The following CHST11 variants were observed in gnomAD, a reference collection of about 807,000 sequenced individuals.
CHST11 encodes carbohydrate sulfotransferase 11, also known as C4S-1.
In CHST11, 9 loss-of-function variants were observed where a neutral mutation model predicts 30.4. The observed-to-expected ratio is 0.30, with a 90% CI of 0.18 to 0.52. The LOEUF (loss-of-function observed/expected upper bound fraction) is 0.52, where lower values mean the gene tolerates loss of function less well. CHST11 is among the 20% of genes least tolerant of loss of function. The pLI is 0.97. For synonymous variants in CHST11, 152 were observed against 187.8 expected (o/e 0.81, Z 1.56); for missense variants, 348 against 460.6 (o/e 0.76, Z 2.24).
In CHST11 at chr12:104,746,112, G is replaced by A. The variant is rs12099519; in HGVS notation, c.205-10837G>A. 8.1e-3 allele frequency among the ~76,000 whole-genome samples: 1,227 copies of A among 152,174 alleles called. 14 individuals carry two copies. Among genetic ancestry groups the A allele is most frequent in the African/African-American group, 0.028 (1,153 of 41,492 alleles). On this transcript the variant is annotated intron_variant, in intron 2 of 2. Transcript: ENST00000303694. The stretch of plus-strand genomic sequence containing the variant: ...TTCTCTTGAGAAATTGAAACATCTC[G>A]AAAGACCAGGTCCTCAATTCCCTAA...
At chr12:104,625,142 A>G (rs2039200154) in intron 2 of CHST11, among the ~76,000 whole-genome samples, 1 of 152,222 alleles carries the variant, frequency 6.6e-6, no homozygotes, top group Non-Finnish European at 1.5e-5. Flanking sequence ...CTTGTGACTA[A>G]GCAGCTATGC....
intron 1 of CHST11, among the ~76,000 whole-genome samples, chr12:104,509,649 C>T (rs539082796): frequency 5.3e-5 from 8 of 152,112 alleles, no homozygotes; most frequent in South Asian, 4.1e-4. Flanking sequence ...AAAAGGCCCC[C>T]GCCCCCACAA....
intron 1 of CHST11, among the ~76,000 whole-genome samples, chr12:104,542,626 G>T (rs1344755935): frequency 6.6e-6 from 1 of 152,228 alleles, no homozygotes; most frequent in Non-Finnish European, 1.5e-5. Context: ...AGGACCTGGA[G>T]CCCCAGTGTC....
chr12:104,557,782 G>C (rs1158503736), intron 1 of CHST11, among the ~76,000 whole-genome samples: 1 of 152,162 alleles, frequency 6.6e-6, no homozygotes, highest in African/African-American at 2.4e-5. Context: ...ACTGACCGCG[G>C]ATTCTTCTCC....
At chr12:104,670,469 A>AC (rs34340804) in intron 2 of CHST11, among the ~76,000 whole-genome samples, 3 of 148,648 alleles carry the variant, frequency 2.0e-5, no homozygotes, top group Non-Finnish European at 3.0e-5. Context: ...ATATGTTCAG[A>AC]CCCACACACA....
chr12:104,663,902 G>A (rs998191080), intron 2 of CHST11, among the ~76,000 whole-genome samples: 10 of 152,066 alleles, frequency 6.6e-5, no homozygotes, highest in Non-Finnish European at 5.9e-5. Flanking sequence ...CATGTATGGA[G>A]CAATTAGGCT....
At position 104,578,318 on chromosome 12, in the gene CHST11, G is replaced by A. The variant is rs114886284; in HGVS notation, c.119-23588G>A. ...CGAGTTCCGTTGAACTAGATGCCTT[G>A]TAATATAATACACCTAACGATAAGT... On this transcript the variant is annotated intron_variant, in intron 1 of 2. Coordinates refer to ENST00000303694, the MANE Select transcript of CHST11 (RefSeq NM_018413.6). Among the ~76,000 whole-genome samples, 423 of 152,242 alleles carry A rather than the reference G, an allele frequency of 2.8e-3. 1 individual carries two copies. The highest frequency in any genetic ancestry group is 9.5e-3 in the African/African-American group (396 of 41,532).
intron 2 of CHST11, among the ~76,000 whole-genome samples, chr12:104,645,027 A>G (rs899178679): frequency 1.1e-4 from 17 of 152,074 alleles, no homozygotes; most frequent in African/African-American, 4.1e-4. Context: ...GGCTCACTGC[A>G]AGCTCTTCCT....
At chr12:104,738,553 C>T (rs542016800) in intron 2 of CHST11, among the ~76,000 whole-genome samples, 38 of 152,326 alleles carry the variant, frequency 2.5e-4, no homozygotes, top group African/African-American at 7.7e-4. Context: ...TCCTCACACC[C>T]GCCCCATGAT....
chr12:104,598,036 T>A (rs2038923522), intron 1 of CHST11, among the ~76,000 whole-genome samples: 2 of 152,158 alleles, frequency 1.3e-5, no homozygotes, highest in Non-Finnish European at 2.9e-5. Context: ...CATGGGACTG[T>A]TGTGGGGATT....
chr12:104,752,374 A>G (rs2040439351), intron 2 of CHST11, among the ~76,000 whole-genome samples: 1 of 151,480 alleles, frequency 6.6e-6, no homozygotes. Context: ...ACCTGCAAAA[A>G]CCCTATTTCC....
chr12:104,710,257 G>A (rs113808737), intron 2 of CHST11, among the ~76,000 whole-genome samples: 5 of 152,182 alleles, frequency 3.3e-5, no homozygotes, highest in Non-Finnish European at 7.3e-5. Context: ...CTGTCAGCTG[G>A]CCTGTGGCTG....
At chr12:104,619,667 G>A (rs2039141878) in intron 2 of CHST11, among the ~76,000 whole-genome samples, 1 of 152,196 alleles carries the variant, frequency 6.6e-6, no homozygotes, top group East Asian at 1.9e-4. Context: ...AGAGGCTGGA[G>A]TGGGGGCTGC....
chr12:104,720,101 G>A (rs536519092), intron 2 of CHST11, among the ~76,000 whole-genome samples: 1 of 152,220 alleles, frequency 6.6e-6, no homozygotes, highest in African/African-American at 2.4e-5. Context: ...GACTTGTCTA[G>A]TTTCGTAAAC....
At chr12:104,610,415 G>T (rs540116189) in intron 2 of CHST11, among the ~76,000 whole-genome samples, 17 of 152,150 alleles carry the variant, frequency 1.1e-4, no homozygotes, top group Non-Finnish European at 2.2e-4. Flanking sequence ...TGCTCTAATG[G>T]AGTTTTTCTG....
chr12:104,624,604 G>A lies in CHST11; in HGVS notation c.204+22613G>A, dbSNP rs533816093. On this transcript the variant is annotated intron_variant, in intron 2 of 2. Transcript: ENST00000303694. ...GATAATAATCATACATACCTTACAC[G>A]ACTACTGTGAGAATGAGGTGGTATA... is the stretch of plus-strand genomic sequence containing the variant. 3.0e-4 allele frequency among the ~76,000 whole-genome samples: 45 copies of A among 152,278 alleles called. No individual in the cohort carries two copies. The South Asian group carries it at 6.2e-3, about 21-fold the overall frequency.
chr12:104,658,379 T>C (rs139557808), intron 2 of CHST11, among the ~76,000 whole-genome samples: 1 of 152,332 alleles, frequency 6.6e-6, no homozygotes, highest in East Asian at 1.9e-4. Flanking sequence ...TGTGTCTCTG[T>C]GCAAATTTCC....
intron 1 of CHST11, among the ~76,000 whole-genome samples, chr12:104,549,535 G>T (rs1399153576): frequency 6.6e-6 from 1 of 152,226 alleles, no homozygotes; most frequent in South Asian, 2.1e-4. Context: ...AGTGATTTAT[G>T]GGTTCCACCT....
intron 2 of CHST11, among the ~76,000 whole-genome samples, chr12:104,723,775 G>A (rs778848483): frequency 9.2e-5 from 14 of 152,192 alleles, no homozygotes; most frequent in Non-Finnish European, 1.3e-4. Flanking sequence ...CCAGAAGACC[G>A]AGCGATTGGA....
Sources: allele counts gnomAD v4.1 joint callset (sites outside exome capture counted in the v4.1 genomes callset), GRCh38; gene constraint gnomAD v4.1.1; transcripts MANE v1.5; gene names NCBI Gene and HGNC (gene_info 2026-07-23, HGNC 2026-07-21).